The following ITPR1 variants were observed in gnomAD, a reference collection of about 807,000 sequenced individuals.
The protein encoded by ITPR1 is inositol 1,4,5-trisphosphate-gated calcium channel ITPR1.
A neutral mutation model predicts 318.4 loss-of-function variants in ITPR1; 96 were observed. The observed-to-expected ratio is 0.30, with a 90% CI of 0.26 to 0.36. The LOEUF (loss-of-function observed/expected upper bound fraction) is 0.36. Ranked by LOEUF, ITPR1 falls within the 10% of genes least tolerant of loss-of-function variation. ITPR1 has a pLI of 1.00. For synonymous variants in ITPR1, 1,312 were observed against 1,289.9 expected (o/e 1.02, Z -0.37); for missense variants, 2,440 against 3,460.2 (o/e 0.71, Z 7.40).
intron 55 of ITPR1, 43 bp downstream of exon 55, chr3:4,806,310 G>C: frequency 6.4e-7 from 1 of 1,562,706 alleles, no homozygotes; most frequent in Non-Finnish European, 8.8e-7. Context: ...GGGGAAACTA[G>C]GAGAGTGTCC....
At chr3:4,787,910 A>C (rs1163496983) in intron 51 of ITPR1, 37 bp from the exon 52 acceptor site, 2 of 1,471,500 alleles carry the variant, frequency 1.4e-6, no homozygotes, top group East Asian at 4.6e-5. Context: ...AAGGTTTCAA[A>C]GATGAATATT....
At chr3:4,550,623 G>GT (rs1196649188) in intron 4 of ITPR1, among the ~76,000 whole-genome samples, 2 of 152,052 alleles carry the variant, frequency 1.3e-5, no homozygotes, top group Non-Finnish European at 2.9e-5. Flanking sequence ...GCTGAAAGAA[G>GT]TAAAAAAAAG....
intron 4 of ITPR1, among the ~76,000 whole-genome samples, chr3:4,535,876 C>G (rs1223564802): frequency 6.6e-6 from 1 of 152,098 alleles, no homozygotes. Context: ...CTATATCTGC[C>G]TCCCCCAACT....
chr3:4,700,418 T>C (rs533993413), intron 35 of ITPR1, among the ~76,000 whole-genome samples: 5 of 152,188 alleles, frequency 3.3e-5, no homozygotes, highest in Admixed American at 6.5e-5. Flanking sequence ...TGCTAATTTG[T>C]TGAACAAATG....
intron 44 of ITPR1, among the ~76,000 whole-genome samples, chr3:4,761,918 GTCTC>G (rs946743979): frequency 6.6e-6 from 1 of 152,182 alleles, no homozygotes; most frequent in African/African-American, 2.4e-5. Flanking sequence ...GAGGGCTCTT[GTCTC>G]TCTAAGTCTA....
chr3:4,631,682 A>G lies in ITPR1; in HGVS notation c.279+3804A>G, dbSNP rs1014151297. On this transcript the variant is annotated intron_variant, in intron 5 of 61. Coordinates refer to ENST00000649015, the MANE Select transcript of ITPR1 (RefSeq NM_001378452.1). ...GCAGTTCTTAATTATATTATGAATAATGCAAAGTACACTCTTTTCTTTCTT... is the reference window on the plus strand; with the variant it reads ...GCAGTTCTTAATTATATTATGAATAGTGCAAAGTACACTCTTTTCTTTCTT... Among the ~76,000 whole-genome samples the G allele has an allele frequency of 4.3e-4, 65 of 152,320 alleles. 1 individual carries two copies. Among genetic ancestry groups the G allele is most frequent in the Middle Eastern group, 6.8e-3 (2 of 294 alleles).
At chr3:4,792,286 T>C (rs1309173420) in intron 52 of ITPR1, among the ~76,000 whole-genome samples, 1 of 152,214 alleles carries the variant, frequency 6.6e-6, no homozygotes, top group Non-Finnish European at 1.5e-5. Flanking sequence ...GGTAGCACAT[T>C]CACAAGTTCT....
At chr3:4,668,016 A>G (rs896222554) in intron 18 of ITPR1, among the ~76,000 whole-genome samples, 1 of 152,160 alleles carries the variant, frequency 6.6e-6, no homozygotes, top group Non-Finnish European at 1.5e-5. Context: ...TAATAATCAC[A>G]TTGTAGAGAA....
At chr3:4,639,069 C>T (rs547547024) in intron 5 of ITPR1, among the ~76,000 whole-genome samples, 1 of 152,276 alleles carries the variant, frequency 6.6e-6, no homozygotes, top group South Asian at 2.1e-4. Flanking sequence ...TGCAAATTCC[C>T]TCCCTCCCCG....
intron 37 of ITPR1, among the ~76,000 whole-genome samples, chr3:4,708,308 T>C (rs1250500601): frequency 6.6e-6 from 1 of 152,190 alleles, no homozygotes; most frequent in African/African-American, 2.4e-5. Flanking sequence ...AGAGTCGTAT[T>C]AGATGGGTGT....
chr3:4,791,765 T>C (rs1215935567), intron 52 of ITPR1, among the ~76,000 whole-genome samples: 1 of 152,152 alleles, frequency 6.6e-6, no homozygotes, highest in Non-Finnish European at 1.5e-5. Context: ...CATTGACGCA[T>C]GGAAGTACAA....
chr3:4,712,343 G>A (rs1235661740), intron 39 of ITPR1, among the ~76,000 whole-genome samples: 2 of 152,170 alleles, frequency 1.3e-5, no homozygotes, highest in African/African-American at 4.8e-5. Context: ...CACTTCTGAG[G>A]GAGATTGGGA....
At chr3:4,568,337 T>G (rs140809438) in intron 4 of ITPR1, among the ~76,000 whole-genome samples, 2 of 152,366 alleles carry the variant, frequency 1.3e-5, no homozygotes, top group African/African-American at 4.8e-5. Context: ...TAACTTCTCT[T>G]TTATTCTTCT....
Position 4,777,353 on chromosome 3 carries a change from G to A in ITPR1, c.6270G>A (p.Met2090Ile). Residue 2090 changes from methionine (M) to isoleucine (I), a missense_variant, in exon 48 of 62, where the codon ATG becomes ATA. Met to Ile is a conservative substitution (Grantham distance 10, BLOSUM62 1). Coordinates refer to ENST00000649015, the MANE Select transcript of ITPR1 (RefSeq NM_001378452.1). ...NDINPLGKKRMDLVLELKNNA... is the reference protein window; with the variant it reads ...NDINPLGKKRIDLVLELKNNA... ...TCAATCCTTTGGGAAAGAAGAGGATGGACCTTGTGTTAGAACTGAAGGCAA... is the reference window on the plus strand; with the variant it reads ...TCAATCCTTTGGGAAAGAAGAGGATAGACCTTGTGTTAGAACTGAAGGCAA... The A allele has an allele frequency of 6.3e-7, 1 of 1,597,586 alleles. No individual in the cohort carries two copies. Among genetic ancestry groups the A allele is most frequent in the East Asian group, 2.2e-5 (1 of 44,568 alleles).
intron 21 of ITPR1, among the ~76,000 whole-genome samples, chr3:4,673,622 G>C (rs1193146266): frequency 1.3e-5 from 2 of 152,090 alleles, no homozygotes; most frequent in African/African-American, 4.8e-5. Context: ...TCACTCTGTT[G>C]CCCAGGCTGA....
intron 10 of ITPR1, 111 bp from the exon 11 acceptor site, chr3:4,652,012 T>C: frequency 2.4e-6 from 2 of 844,248 alleles, no homozygotes; most frequent in Non-Finnish European, 3.9e-6. Context: ...GCTGATTTTC[T>C]TTTTCTAGCT....
chr3:4,761,377 C>G (rs1258492529), intron 44 of ITPR1, among the ~76,000 whole-genome samples: 1 of 152,232 alleles, frequency 6.6e-6, no homozygotes, highest in East Asian at 1.9e-4. Flanking sequence ...TTTTCTGCTC[C>G]TGCATCAATT....
intron 44 of ITPR1, among the ~76,000 whole-genome samples, chr3:4,765,089 G>A (rs111570188): frequency 0.024 from 3,723 of 152,158 alleles, 61 homozygotes; most frequent in South Asian, 0.062. Flanking sequence ...GAAAAGAAAC[G>A]AGGCAGTAAA....
chr3:4,600,785 C>G (rs2091211180), intron 4 of ITPR1, among the ~76,000 whole-genome samples: 1 of 151,968 alleles, frequency 6.6e-6, no homozygotes, highest in Non-Finnish European at 1.5e-5. Context: ...TGATTCACTC[C>G]CCACCCCCAA....
Sources: allele counts gnomAD v4.1 joint callset (sites outside exome capture counted in the v4.1 genomes callset), GRCh38; gene constraint gnomAD v4.1.1; transcripts MANE v1.5; gene names NCBI Gene and HGNC (gene_info 2026-07-23, HGNC 2026-07-21).